SCG5: variants seen among roughly 807,000 people sequenced by gnomAD.
The protein encoded by SCG5 is neuroendocrine protein 7B2.
SCG5 carries 18 observed loss-of-function variants against 25.7 expected under a neutral mutation model. That is an observed-to-expected ratio of 0.70 (90% CI 0.48 to 1.04). The LOEUF (loss-of-function observed/expected upper bound fraction) is 1.04, where lower values mean the gene tolerates loss of function less well. Ranked by LOEUF, SCG5 falls within the 50% of genes least tolerant of loss-of-function variation. The pLI, the probability that SCG5 is intolerant of heterozygous loss-of-function variation, is 0.00. For missense variants in SCG5, 206 were observed against 259.8 expected, an observed-to-expected ratio of 0.79 and a Z score of 1.42; for synonymous variants, 101 against 91.7, an observed-to-expected ratio of 1.10 and a Z score of -0.58.
chr15:32,657,939 T>A (rs924389701), intron 2 of SCG5, among the ~76,000 whole-genome samples: 1 of 152,122 alleles, frequency 6.6e-6, no homozygotes, highest in Non-Finnish European at 1.5e-5. Context: ...ATTGAGCGTG[T>A]TTACAGAAAA....
Position 32,643,723 on chromosome 15 carries a change from T to G in SCG5, c.131T>G (p.Leu44Arg). The G allele has an allele frequency of 1.2e-6, 2 of 1,614,008 alleles. No individual in the cohort carries two copies. Among genetic ancestry groups the G allele is most frequent in the Non-Finnish European group, 8.5e-7 (1 of 1,179,884 alleles). The part of the protein sequence containing the change: ...RVSEADIQRL[L>R]HGVMEQLGIA... ...TCAGAAGCAGATATCCAGAGGCTGC[T>G]TCATGGTGTTATGGAGCAATTGGGC... Residue 44 changes from leucine (L) to arginine (R), a missense_variant, in exon 2 of 6, where the codon CTT becomes CGT. Transcript: ENST00000300175.
intron 2 of SCG5, among the ~76,000 whole-genome samples, chr15:32,652,922 A>G (rs1484732310): frequency 6.6e-6 from 1 of 152,222 alleles, no homozygotes; most frequent in African/African-American, 2.4e-5. Flanking sequence ...AAAGATCTAA[A>G]GTGTCATCTT....
intron 3 of SCG5, among the ~76,000 whole-genome samples, chr15:32,681,485 CTTTTTTT>C (rs61387158): frequency 1.4e-5 from 2 of 140,050 alleles, no homozygotes; most frequent in East Asian, 2.1e-4. Flanking sequence ...TTTTCTTTTT[CTTTTTTT>C]TTTTTTTGAG....
chr15:32,644,244 T>C (rs1220903144), intron 2 of SCG5, among the ~76,000 whole-genome samples: 1 of 152,182 alleles, frequency 6.6e-6, no homozygotes, highest in Non-Finnish European at 1.5e-5. Context: ...ATCAGATAGC[T>C]GCCTTTTGAG....
chr15:32,691,302 G>T (rs2054850853), intron 4 of SCG5, among the ~76,000 whole-genome samples: 1 of 152,226 alleles, frequency 6.6e-6, no homozygotes, highest in African/African-American at 2.4e-5. Context: ...ACAGGGGATT[G>T]TTGTTAATAG....
chr15:32,685,057 G>A (rs952805694), intron 4 of SCG5, among the ~76,000 whole-genome samples: 2 of 152,150 alleles, frequency 1.3e-5, no homozygotes, highest in African/African-American at 4.8e-5. Flanking sequence ...TCTAAACTAA[G>A]GGAGATGATC....
intron 2 of SCG5, among the ~76,000 whole-genome samples, chr15:32,647,539 C>T (rs112792040): frequency 6.6e-5 from 10 of 152,112 alleles, no homozygotes; most frequent in Admixed American, 4.6e-4. Context: ...TTCCATATCC[C>T]TTCTAGTTAC....
chr15:32,653,216 A>G (rs544805523), intron 2 of SCG5, among the ~76,000 whole-genome samples: 4 of 152,322 alleles, frequency 2.6e-5, no homozygotes, highest in South Asian at 2.1e-4. Flanking sequence ...ATCATCCTCA[A>G]TTAGGATTGT....
At chr15:32,674,470 G>A (rs1255145182) in intron 2 of SCG5, among the ~76,000 whole-genome samples, 1 of 152,118 alleles carries the variant, frequency 6.6e-6, no homozygotes, top group African/African-American at 2.4e-5. Context: ...AACTTTGGGG[G>A]TCAGAAGGTA....
In SCG5 at chr15:32,674,372, A is replaced by AT. The variant is rs2054495820; in HGVS notation, c.227-5393dup. Reference sequence around the variant, plus strand: ...GAGTCAAATTATATCAAGATAAAATATGATAACAGAGATTTACTCTAAAAT... The same window carrying AT: ...GAGTCAAATTATATCAAGATAAAATATTGATAACAGAGATTTACTCTAAAAT... On this transcript the variant is annotated intron_variant, in intron 2 of 5. Transcript: ENST00000300175. Among the ~76,000 whole-genome samples the AT allele has an allele frequency of 2.6e-5, 4 of 152,218 alleles. No homozygotes were observed. In the South Asian group the frequency reaches 8.3e-4, roughly 32 times the overall value.
At chr15:32,684,691 A>G in intron 4 of SCG5, 22 bp downstream of exon 4, 1 of 1,552,512 alleles carries the variant, frequency 6.4e-7, no homozygotes, top group Non-Finnish European at 8.9e-7. Context: ...CTCAATTGTT[A>G]GTAGATTTTG....
chr15:32,660,310 G>C (rs139177321), intron 2 of SCG5, among the ~76,000 whole-genome samples: 1 of 152,154 alleles, frequency 6.6e-6, no homozygotes, highest in African/African-American at 2.4e-5. Flanking sequence ...AGAGTTATCA[G>C]TACCTACAGA....
chr15:32,678,975 A>G (rs2054571338), intron 2 of SCG5, among the ~76,000 whole-genome samples: 1 of 152,230 alleles, frequency 6.6e-6, no homozygotes, highest in Admixed American at 6.5e-5. Context: ...GGTTGAGCTA[A>G]AATAGCAGGA....
intron 5 of SCG5, among the ~76,000 whole-genome samples, chr15:32,694,077 T>A (rs2054912736): frequency 6.6e-6 from 1 of 152,110 alleles, no homozygotes. Flanking sequence ...ACCACTGCAC[T>A]CCAGCCTGGG....
chr15:32,642,427 G>A (rs936686346), intron 1 of SCG5, among the ~76,000 whole-genome samples: 5 of 151,812 alleles, frequency 3.3e-5, no homozygotes, highest in African/African-American at 1.2e-4. Flanking sequence ...AATTAGCCGG[G>A]TTTGGTTGTG....
rs188000592 is a variant in SCG5 at position 32,692,070 on chromosome 15, T to G, written c.543+307T>G. Reference sequence around the variant, plus strand: ...AGTGTGGGACATATCTGGGGGGACATGAGGGTCTGTCTGCCCTCCCAGGGT... The same window carrying G: ...AGTGTGGGACATATCTGGGGGGACAGGAGGGTCTGTCTGCCCTCCCAGGGT... On this transcript the variant is annotated intron_variant, in intron 5 of 5. Coordinates refer to ENST00000300175, the MANE Select transcript of SCG5 (RefSeq NM_001144757.3). 5.0e-4 allele frequency: 608 copies of G among 1,215,410 alleles called. 2 individuals are homozygous for G. In the African/African-American group the frequency reaches 8.8e-3, roughly 18 times the overall value. The allele number at this position is 1,215,410 out of a possible 1,614,324, so 75.3% of individuals were successfully genotyped here.
chr15:32,643,661 A>G lies in SCG5; in HGVS notation c.69A>G (p.Pro23=). Reference sequence around the variant, plus strand: ...TTTGGCTGGCATCTGGATGGACTCCAGCATTTGCTTACAGCCCCCGGACCC... The same window carrying G: ...TTTGGCTGGCATCTGGATGGACTCCGGCATTTGCTTACAGCCCCCGGACCC... ...LLFWLASGWT[P]AFAYSPRTPD... Residue 23 remains proline, a synonymous_variant, in exon 2 of 6, where the codon CCA becomes CCG. Transcript: ENST00000300175. 1 of 1,614,016 alleles carries G rather than the reference A, an allele frequency of 6.2e-7. No individual in the cohort carries two copies. Among genetic ancestry groups the G allele is most frequent in the Admixed American group, 1.7e-5 (1 of 60,030 alleles).
intron 2 of SCG5, among the ~76,000 whole-genome samples, chr15:32,653,857 T>C (rs554847607): frequency 6.6e-6 from 1 of 152,274 alleles, no homozygotes; most frequent in South Asian, 2.1e-4. Flanking sequence ...CTGGGTACTA[T>C]AACTTAGGCA....
chr15:32,675,664 T>C (rs2054517949), intron 2 of SCG5, among the ~76,000 whole-genome samples: 1 of 152,234 alleles, frequency 6.6e-6, no homozygotes, highest in African/African-American at 2.4e-5. Flanking sequence ...AGTATGTTGC[T>C]ACAGGGAGTC....
Sources: allele counts gnomAD v4.1 joint callset (sites outside exome capture counted in the v4.1 genomes callset), GRCh38; gene constraint gnomAD v4.1.1; transcripts MANE v1.5; gene names NCBI Gene and HGNC (gene_info 2026-07-23, HGNC 2026-07-21).